Variants in USP34 observed in about 807,000 individuals in gnomAD.
USP34 encodes ubiquitin specific peptidase 34, also known as ubiquitin carboxyl-terminal hydrolase 34.
Under a neutral mutation model 460.3 loss-of-function variants are expected in USP34, and 70 were observed. The ratio of observed to expected loss-of-function variants is 0.15; its 90% CI spans 0.13 to 0.19. USP34 has a LOEUF of 0.19. Ranked by LOEUF, USP34 falls within the 10% of genes least tolerant of loss-of-function variation. The probability of loss-of-function intolerance (pLI) is 1.00; values close to 1 mark genes in which losing one functional copy is unlikely to be tolerated. For synonymous variants in USP34, 1,647 were observed against 1,405.3 expected, an observed-to-expected ratio of 1.17 and a Z score of -3.85; for missense variants, 3,985 against 4,236.2, an observed-to-expected ratio of 0.94 and a Z score of 1.65.
intron 49 of USP34, among the ~76,000 whole-genome samples, chr2:61,248,206 A>C (rs201928612): frequency 4.2e-4 from 59 of 140,144 alleles, no homozygotes; most frequent in East Asian, 2.3e-3. Flanking sequence ...AAAAAAAAAA[A>C]CCCCCACAAA....
intron 11 of USP34, 35 bp downstream of exon 11, chr2:61,350,532 GA>G (rs369991970): frequency 0.012 from 13,522 of 1,138,748 alleles, no homozygotes; most frequent in South Asian, 0.021. Context: ...CACTTCACGG[GA>G]AAAAAAAAAA....
intron 3 of USP34, among the ~76,000 whole-genome samples, chr2:61,398,758 G>C (rs1341243196): frequency 6.6e-6 from 1 of 152,132 alleles, no homozygotes; most frequent in African/African-American, 2.4e-5. Context: ...CTGAAATAAA[G>C]TCTGAAAATC....
intron 27 of USP34, among the ~76,000 whole-genome samples, chr2:61,303,813 G>C (rs1167760704): frequency 6.6e-6 from 1 of 151,394 alleles, no homozygotes; most frequent in Non-Finnish European, 1.5e-5. Flanking sequence ...AGCCAGGATG[G>C]TGTTATCTCC....
At chr2:61,326,754 T>C (rs2103716777) in intron 20 of USP34, among the ~76,000 whole-genome samples, 1 of 149,384 alleles carries the variant, frequency 6.7e-6, no homozygotes, top group African/African-American at 2.5e-5. Context: ...ATCTATAACC[T>C]AGCATGCAGA....
At chr2:61,409,740 G>A (rs1413467966) in intron 2 of USP34, among the ~76,000 whole-genome samples, 1 of 152,076 alleles carries the variant, frequency 6.6e-6, no homozygotes, top group East Asian at 1.9e-4. Context: ...AATAAAATAA[G>A]TGTTAGAAAA....
At position 61,348,859 on chromosome 2, in the gene USP34, C is replaced by G; in HGVS notation, c.1571G>C (p.Ser524Thr). 3 of 1,613,348 alleles carry G rather than the reference C, an allele frequency of 1.9e-6. No homozygotes were observed. The highest frequency in any genetic ancestry group is 2.5e-6 in the Non-Finnish European group (3 of 1,179,672). The change falls in exon 14 of 80, where the codon AGT (serine) becomes ACT (threonine). Residue 524 changes from serine (S) to threonine (T), a missense_variant. By Grantham distance (58) the Ser-to-Thr change is moderately conservative. Coordinates refer to ENST00000398571, the MANE Select transcript of USP34 (RefSeq NM_014709.4). ...PWSPAASPQS[S>T]DNSDTHQSGG... ...ACTTTGATGTGTATCGCTATTATCA[C>G]TGCTTTGAGGACTAGCTGCAGGTGA...
intron 37 of USP34, among the ~76,000 whole-genome samples, chr2:61,281,652 A>G (rs1013403208): frequency 5.3e-5 from 8 of 152,214 alleles, no homozygotes; most frequent in Non-Finnish European, 8.8e-5. Context: ...ATACATATAT[A>G]TATGTAAATT....
In USP34 at chr2:61,379,244, T is replaced by C. The variant is rs116226783; in HGVS notation, c.1015-820A>G. Among the ~76,000 whole-genome samples the C allele has an allele frequency of 7.4e-3, 1,128 of 151,972 alleles. 12 individuals carry two copies. The highest frequency in any genetic ancestry group is 0.026 in the African/African-American group (1,071 of 41,430). On this transcript the variant is annotated intron_variant, in intron 7 of 79. Transcript: ENST00000398571. The stretch of plus-strand genomic sequence containing the variant: ...AAACAAAAACAGTAATGTGGCCAGG[T>C]GGGGTGGCTCACGCCTGTAATCCCA...
intron 20 of USP34, among the ~76,000 whole-genome samples, chr2:61,327,813 A>T (rs1290880459): frequency 3.9e-5 from 6 of 152,214 alleles, no homozygotes; most frequent in Admixed American, 6.5e-5. Flanking sequence ...AGATGGTATC[A>T]ATATTGACAA....
intron 3 of USP34, among the ~76,000 whole-genome samples, chr2:61,397,852 T>C (rs1482661120): frequency 1.3e-5 from 2 of 150,916 alleles, no homozygotes; most frequent in African/African-American, 4.9e-5. Flanking sequence ...TGAGCTGAGA[T>C]CGTGCCACTG....
chr2:61,236,117 T>A (rs377288715), intron 55 of USP34, 44 bp from the exon 56 acceptor site: 2 of 1,594,154 alleles, frequency 1.3e-6, no homozygotes, highest in African/African-American at 1.4e-5. Context: ...CATTTTAAAG[T>A]AGTAAATTTT....
At chr2:61,447,051 T>TC (rs1382392320) in intron 1 of USP34, among the ~76,000 whole-genome samples, 1 of 151,948 alleles carries the variant, frequency 6.6e-6, no homozygotes, top group Non-Finnish European at 1.5e-5. Context: ...GGTCAGGAGT[T>TC]CAAGACCAGC....
intron 67 of USP34, among the ~76,000 whole-genome samples, chr2:61,216,383 G>A (rs565829856): frequency 2.0e-5 from 3 of 148,200 alleles, no homozygotes; most frequent in South Asian, 2.2e-4. Context: ...GGCGGATCAC[G>A]AGGTCAGGAG....
intron 18 of USP34, among the ~76,000 whole-genome samples, chr2:61,338,982 TA>T (rs1691509300): frequency 6.6e-6 from 1 of 152,198 alleles, no homozygotes; most frequent in Non-Finnish European, 1.5e-5. Flanking sequence ...GTAGCTTAAG[TA>T]AAATTTCACT....
At chr2:61,301,651 A>G (rs1206480778) in intron 27 of USP34, among the ~76,000 whole-genome samples, 197 bp from the exon 28 acceptor site, 2 of 152,196 alleles carry the variant, frequency 1.3e-5, no homozygotes, top group African/African-American at 4.8e-5. Context: ...TACACCTTCA[A>G]CTTCATTTCC....
chr2:61,318,920 T>G (rs1690830757), intron 22 of USP34, among the ~76,000 whole-genome samples: 1 of 152,220 alleles, frequency 6.6e-6, no homozygotes, highest in Non-Finnish European at 1.5e-5. Context: ...CTTCAAAAGT[T>G]ATTGTAATTG....
At chr2:61,465,967 ACT>A (rs1336340059) in intron 1 of USP34, among the ~76,000 whole-genome samples, 4 of 151,622 alleles carry the variant, frequency 2.6e-5, no homozygotes, top group African/African-American at 9.7e-5. Context: ...ACAGAACAAG[ACT>A]CTGTCTCAAA....
intron 1 of USP34, among the ~76,000 whole-genome samples, chr2:61,465,339 T>G (rs1329729297): frequency 1.3e-5 from 2 of 152,178 alleles, no homozygotes; most frequent in African/African-American, 4.8e-5. Flanking sequence ...CAGCTTCAGA[T>G]TCTCAGGACT....
chr2:61,348,057 C>T lies in USP34; in HGVS notation c.2098G>A (p.Asp700Asn), dbSNP rs1691826826. Residue 700 changes from aspartate (D) to asparagine (N), a missense_variant, in exon 15 of 80, where the codon GAC (aspartate) becomes AAC (asparagine). By Grantham distance (23) the Asp-to-Asn change is conservative (BLOSUM62 1). Transcript: ENST00000398571. ...RMLDACSHSE[D>N]PEHDISGEMN... ...TCCCCTGAAATATCATGTTCTGGGT[C>T]TTCAGAGTGTGAACAAGCATCCAGC... The T allele has an allele frequency of 6.2e-7, 1 of 1,614,176 alleles. No individual in the cohort carries two copies.
Sources: allele counts gnomAD v4.1 joint callset (sites outside exome capture counted in the v4.1 genomes callset), GRCh38; gene constraint gnomAD v4.1.1; transcripts MANE v1.5; gene names NCBI Gene and HGNC (gene_info 2026-07-23, HGNC 2026-07-21).